Variants in ADGRG6 observed in about 807,000 individuals in gnomAD.
ADGRG6 encodes the protein G-protein coupled receptor 126.
In ADGRG6, 84 loss-of-function variants were observed where a neutral mutation model predicts 142.4. That is an observed-to-expected ratio of 0.59 (90% CI 0.49 to 0.71). ADGRG6 has a LOEUF of 0.71. Ranked by LOEUF, ADGRG6 falls within the 30% of genes least tolerant of loss-of-function variation. The pLI is 0.00. For missense variants in ADGRG6, 1,367 were observed against 1,466.6 expected, an observed-to-expected ratio of 0.93 and a Z score of 1.11; for synonymous variants, 521 against 520.5, an observed-to-expected ratio of 1.00 and a Z score of -0.01.
rs1318375219 is a variant in ADGRG6, at chr6:142,373,387, A to AAACAAATAATATTTGTTTCC, written c.1069+2595_1069+2614dup. Among the ~76,000 whole-genome samples the AAACAAATAATATTTGTTTCC allele has an allele frequency of 5.3e-5, 8 of 151,732 alleles. No homozygotes were observed. In the East Asian group the frequency reaches 7.7e-4, roughly 15 times the overall value. On this transcript the variant is annotated intron_variant, in intron 4 of 24. Coordinates refer to ENST00000367609, the MANE Select transcript of ADGRG6 (RefSeq NM_198569.3). ...TGCAGTGTGTTAACATATTTGTTTC[A>AAACAAATAATATTTGTTTCC]AACAAATAATATTTGTTTCCCACAA...
chr6:142,435,775 G>A (rs1169210891), intron 22 of ADGRG6, among the ~76,000 whole-genome samples: 2 of 152,098 alleles, frequency 1.3e-5, no homozygotes, highest in Non-Finnish European at 2.9e-5. Context: ...TAGATACTGA[G>A]GAGTGCTGTG....
At chr6:142,369,406 A>G (rs958067404) in intron 3 of ADGRG6, among the ~76,000 whole-genome samples, 2 of 152,200 alleles carry the variant, frequency 1.3e-5, no homozygotes, top group African/African-American at 4.8e-5. Context: ...CCATATATAC[A>G]ATAGGTGCCA....
At chr6:142,427,368 C>A in intron 22 of ADGRG6, among the ~76,000 whole-genome samples, 1 of 152,174 alleles carries the variant, frequency 6.6e-6, no homozygotes, top group East Asian at 1.9e-4. Flanking sequence ...TGCTAAAACA[C>A]AAGAGTCACC....
At position 142,341,597 on chromosome 6, in the gene ADGRG6, T is replaced by G. The variant is rs866115449; in HGVS notation, c.104-25972T>G. On this transcript the variant is annotated intron_variant, in intron 2 of 24. Transcript: ENST00000367609. ...TATGTAGTATATATAATATTATATA[T>G]TATATATACTATATAATATGTAGTA... 2.1e-3 allele frequency among the ~76,000 whole-genome samples: 262 copies of G among 127,464 alleles called. 1 individual carries two copies. Among genetic ancestry groups the G allele is most frequent in the Middle Eastern group, 3.7e-3 (1 of 272 alleles). The allele number at this position is 127,464 out of a possible 152,430, so 83.6% of individuals were successfully genotyped here. A position where few individuals can be genotyped will look rare whatever the true frequency, so the allele number is the denominator to read the frequency against.
chr6:142,303,919 G>C (rs999429075), intron 1 of ADGRG6, among the ~76,000 whole-genome samples: 1 of 152,088 alleles, frequency 6.6e-6, no homozygotes, highest in Admixed American at 6.5e-5. Context: ...TGTCATTATA[G>C]GGTAAAAGCG....
At chr6:142,433,795 C>T (rs1777336282) in intron 22 of ADGRG6, among the ~76,000 whole-genome samples, 1 of 152,330 alleles carries the variant, frequency 6.6e-6, no homozygotes, top group South Asian at 2.1e-4. Context: ...ATGGCTCATG[C>T]CTGTAATCCC....
chr6:142,437,470 A>G lies in ADGRG6; in HGVS notation c.3356A>G (p.Glu1119Gly), dbSNP rs1350025024. The change falls in exon 23 of 25, where the codon GAG becomes GGG. Residue 1119 changes from glutamate (E) to glycine (G), a missense_variant. Physicochemically the swap from Glu to Gly is moderately conservative, Grantham distance 98. Transcript: ENST00000367609. ...TTCATCTTCCACTGTGCTATGAAGG[A>G]GAATGTTCAGAAACAGTGGCGGCAG... is the stretch of plus-strand genomic sequence containing the variant. ...FIFIFHCAMK[E>G]NVQKQWRQHL... is the part of the protein sequence containing the mutation. The G allele has an allele frequency of 6.3e-7, 1 of 1,580,620 alleles. No individual in the cohort carries two copies. The highest frequency in any genetic ancestry group is 1.7e-5 in the Admixed American group (1 of 59,926).
chr6:142,349,737 CTGA>C (rs1460245836), intron 2 of ADGRG6, among the ~76,000 whole-genome samples: 3 of 152,130 alleles, frequency 2.0e-5, no homozygotes, highest in African/African-American at 7.2e-5. Context: ...AAAAAAGGTG[CTGA>C]TGTCTTCCCT....
chr6:142,319,919 G>T (rs564298737), intron 2 of ADGRG6, among the ~76,000 whole-genome samples: 178 of 152,242 alleles, frequency 1.2e-3, no homozygotes, highest in African/African-American at 4.1e-3. Flanking sequence ...AGTGCTGTAA[G>T]TAACAACTTA....
Position 142,338,017 on chromosome 6 carries a change from G to GTTTT in ADGRG6, c.103+28391_103+28394dup, listed in dbSNP as rs1181314373. Among the ~76,000 whole-genome samples, 64 of 35,380 alleles carry GTTTT rather than the reference G, an allele frequency of 1.8e-3. 20 individuals are homozygous for GTTTT. Among genetic ancestry groups the GTTTT allele is most frequent in the African/African-American group, 2.4e-3 (19 of 7,866 alleles). The allele number at this position is 35,380 out of a possible 152,430, so 23.2% of individuals were successfully genotyped here. On this transcript the variant is annotated intron_variant, in intron 2 of 24. Transcript: ENST00000367609. The stretch of plus-strand genomic sequence containing the variant: ...AATCCTTTTTATGCCTTGTATCTTT[G>GTTTT]TTTTTTTTTTTTTTTTTTTTTGAGA...
intron 2 of ADGRG6, among the ~76,000 whole-genome samples, chr6:142,311,810 A>G (rs1582957619): frequency 6.6e-6 from 1 of 151,974 alleles, no homozygotes; most frequent in South Asian, 2.1e-4. Flanking sequence ...TTGGATTTAT[A>G]ATAGGCCTTA....
intron 2 of ADGRG6, among the ~76,000 whole-genome samples, chr6:142,318,388 T>C (rs1490604358): frequency 3.5e-5 from 4 of 114,644 alleles, no homozygotes; most frequent in Non-Finnish European, 5.1e-5. Context: ...TATATTTATA[T>C]ATTATATGTA....
chr6:142,352,458 C>G (rs1028002193), intron 2 of ADGRG6, among the ~76,000 whole-genome samples: 2 of 152,032 alleles, frequency 1.3e-5, no homozygotes, highest in Non-Finnish European at 1.5e-5. Context: ...ACACTAGGAA[C>G]TGCTTGAGTG....
rs7759268 is a variant in ADGRG6, at chr6:142,412,413, G to A, written c.2541+1002G>A. 1.9e-3 allele frequency among the ~76,000 whole-genome samples: 291 copies of A among 152,172 alleles called. 1 individual carries two copies. Among genetic ancestry groups the A allele is most frequent in the Admixed American group, 4.7e-3 (72 of 15,264 alleles). ...CTTTAAATCTTGCACCCTTCTTCCT[G>A]TGGGGACTGGGAGGAAGCCTTGAGG... On this transcript the variant is annotated intron_variant, in intron 18 of 24. Transcript: ENST00000367609.
chr6:142,397,594 A>T lies in ADGRG6; in HGVS notation c.1425-19A>T. ...ACCAATGAACAACAACAACAGTTCT[A>T]TCCGAAATGTTTCCCTAGGTTGGTG... On this transcript the variant is annotated intron_variant, in intron 9 of 24. Coordinates refer to ENST00000367609, the MANE Select transcript of ADGRG6 (RefSeq NM_198569.3). 6.2e-7 allele frequency: 1 copy of T among 1,605,676 alleles called. No individual in the cohort carries two copies. The highest frequency in any genetic ancestry group is 1.1e-5 in the South Asian group (1 of 89,836).
chr6:142,440,760 A>T, intron 24 of ADGRG6: 1 of 558,518 alleles, frequency 1.8e-6, no homozygotes, highest in Non-Finnish European at 3.2e-6. Context: ...GACTTCACAT[A>T]GGCTTTGGCT....
At chr6:142,380,249 A>AG (rs910657748) in intron 4 of ADGRG6, among the ~76,000 whole-genome samples, 66 of 152,136 alleles carry the variant, frequency 4.3e-4, no homozygotes, top group African/African-American at 1.6e-3. Context: ...TTAATGCTGG[A>AG]GGGGTGTAAT....
chr6:142,410,896 C>T (rs1319139994), intron 17 of ADGRG6, among the ~76,000 whole-genome samples: 2 of 152,074 alleles, frequency 1.3e-5, no homozygotes, highest in Non-Finnish European at 2.9e-5. Context: ...ATGGCACATT[C>T]TAAGAAAGCA....
At chr6:142,394,196 GATT>G (rs1351771525) in intron 9 of ADGRG6, among the ~76,000 whole-genome samples, 3 of 152,106 alleles carry the variant, frequency 2.0e-5, no homozygotes, top group Non-Finnish European at 4.4e-5. Flanking sequence ...AAAATGGATG[GATT>G]ATTATTTTTA....
Sources: gnomAD v4.1 joint callset for allele counts (sites outside exome capture counted in the v4.1 genomes callset) on GRCh38, gnomAD v4.1.1 for gene constraint, MANE v1.5 for transcripts, NCBI Gene and HGNC (gene_info 2026-07-23, HGNC 2026-07-21) for gene names.